UTRN: variants seen among roughly 807,000 people sequenced by gnomAD.
UTRN encodes utrophin.
Under a neutral mutation model 463.9 loss-of-function variants are expected in UTRN, and 283 were observed. The observed-to-expected ratio is 0.61, with a 90% CI of 0.55 to 0.67. UTRN has a LOEUF of 0.67. Among genes scored for constraint, UTRN ranks in the 30% least tolerant of loss-of-function variants. UTRN has a pLI of 0.00. For synonymous variants in UTRN, 1,442 were observed against 1,431.5 expected, an observed-to-expected ratio of 1.01 and a Z score of -0.17; for missense variants, 3,922 against 4,084.3, an observed-to-expected ratio of 0.96 and a Z score of 1.08.
chr6:144,757,019 GA>G (rs982630539), intron 57 of UTRN, among the ~76,000 whole-genome samples: 5 of 151,766 alleles, frequency 3.3e-5, no homozygotes, highest in African/African-American at 9.7e-5. Context: ...ATGAAATTGA[GA>G]AAAAAAGTAT....
At chr6:144,480,041 A>G in intron 26 of UTRN, 59 bp downstream of exon 26, 2 of 1,558,776 alleles carry the variant, frequency 1.3e-6, no homozygotes, top group Admixed American at 1.9e-5. Context: ...CTTTAAAACC[A>G]GCACATCAAT....
At chr6:144,482,708 C>A (rs1225938709) in intron 27 of UTRN, among the ~76,000 whole-genome samples, 1 of 152,078 alleles carries the variant, frequency 6.6e-6, no homozygotes, top group Non-Finnish European at 1.5e-5. Context: ...AACAGATGAT[C>A]TGTAGGGCCT....
intron 51 of UTRN, among the ~76,000 whole-genome samples, chr6:144,604,583 T>C (rs1207950204): frequency 6.6e-6 from 1 of 152,192 alleles, no homozygotes; most frequent in East Asian, 1.9e-4. Flanking sequence ...TGTGGAATAC[T>C]TTGTAATTTT....
chr6:144,448,710 G>T lies in UTRN; in HGVS notation c.2013G>T (p.Leu671=), dbSNP rs753488110. 2 of 1,613,874 alleles carry T rather than the reference G, an allele frequency of 1.2e-6. No homozygotes were observed. Among genetic ancestry groups the T allele is most frequent in the Non-Finnish European group, 1.7e-6 (2 of 1,179,920 alleles). ...TTACAAAAAAATCTAAGCAGGAACT[G>T]CCTCCTCCTCCTCCCCCAAAGAAGA... is the stretch of plus-strand genomic sequence containing the variant. ...QAITKKSKQE[L]PPPPPPKKRQ... Residue 671 remains leucine (L), a synonymous_variant, in exon 17 of 75, where the codon CTG becomes CTT. Coordinates refer to ENST00000367545, the MANE Select transcript of UTRN (RefSeq NM_007124.3).
At chr6:144,749,810 T>G (rs1791188430) in intron 55 of UTRN, among the ~76,000 whole-genome samples, 1 of 152,202 alleles carries the variant, frequency 6.6e-6, no homozygotes, top group Admixed American at 6.5e-5. Context: ...TTGAATTTCT[T>G]TTTTGTTCCA....
intron 51 of UTRN, among the ~76,000 whole-genome samples, chr6:144,638,345 A>G (rs1051139707): frequency 3.9e-5 from 6 of 152,200 alleles, no homozygotes; most frequent in Middle Eastern, 3.2e-3. Flanking sequence ...ATGTATTTAA[A>G]TAGAAAAAAT....
chr6:144,664,174 G>A (rs1030373356), intron 51 of UTRN, among the ~76,000 whole-genome samples: 1 of 152,174 alleles, frequency 6.6e-6, no homozygotes, highest in South Asian at 2.1e-4. Flanking sequence ...GTTGAAAGAA[G>A]GAAATGAGAT....
At chr6:144,410,727 A>T (rs1450543241) in intron 3 of UTRN, among the ~76,000 whole-genome samples, 2 of 152,072 alleles carry the variant, frequency 1.3e-5, no homozygotes, top group Non-Finnish European at 2.9e-5. Context: ...CTCCAGTTTC[A>T]TCCAGGTTGC....
At chr6:144,394,600 A>G (rs1782230593) in intron 2 of UTRN, among the ~76,000 whole-genome samples, 1 of 152,196 alleles carries the variant, frequency 6.6e-6, no homozygotes, top group African/African-American at 2.4e-5. Context: ...TCATGATCTT[A>G]GAAGACACAT....
chr6:144,386,799 T>G (rs1479002408), intron 2 of UTRN, among the ~76,000 whole-genome samples: 1 of 152,094 alleles, frequency 6.6e-6, no homozygotes, highest in East Asian at 1.9e-4. Flanking sequence ...AAAATGACTC[T>G]TCTTCCTTTT....
At chr6:144,598,834 A>G (rs191618595) in intron 51 of UTRN, among the ~76,000 whole-genome samples, 1 of 152,284 alleles carries the variant, frequency 6.6e-6, no homozygotes, top group African/African-American at 2.4e-5. Flanking sequence ...GGCCTGAACT[A>G]GTGTTTCAGG....
chr6:144,360,725 C>T (rs532723903), intron 2 of UTRN, among the ~76,000 whole-genome samples: 1 of 152,190 alleles, frequency 6.6e-6, no homozygotes, highest in Non-Finnish European at 1.5e-5. Context: ...CATCTCAGGT[C>T]GCCTACTTTT....
At chr6:144,436,892 T>A (rs6915159) in intron 10 of UTRN, among the ~76,000 whole-genome samples, 1 of 145,156 alleles carries the variant, frequency 6.9e-6, no homozygotes, top group African/African-American at 2.5e-5. Context: ...ATAAATATTT[T>A]TATATATAAT....
At chr6:144,412,683 G>T (rs1784002675) in intron 3 of UTRN, among the ~76,000 whole-genome samples, 1 of 151,726 alleles carries the variant, frequency 6.6e-6, no homozygotes, top group African/African-American at 2.4e-5. Context: ...AATCTGAGGA[G>T]AGTGTGAATA....
At chr6:144,425,589 C>T (rs1028632879) in intron 6 of UTRN, among the ~76,000 whole-genome samples, 1 of 151,898 alleles carries the variant, frequency 6.6e-6, no homozygotes, top group Non-Finnish European at 1.5e-5. Context: ...GAAGAGCTTC[C>T]CCTTGTTTCT....
At position 144,298,397 on chromosome 6, in the gene UTRN, T is replaced by A. The variant is rs368674853; in HGVS notation, c.79+6490T>A. ...TTCCAGCATCCATGTGGTTTTCCAA[T>A]CTTTGCATTTGTGCCTTTAAACAAC... On this transcript the variant is annotated intron_variant, in intron 2 of 74. Transcript: ENST00000367545. Among the ~76,000 whole-genome samples the A allele has an allele frequency of 3.9e-5, 6 of 152,314 alleles. 1 individual carries two copies. Among genetic ancestry groups the A allele is most frequent in the African/African-American group, 1.4e-4 (6 of 41,566 alleles).
chr6:144,744,516 G>A (rs1333965902), intron 54 of UTRN, among the ~76,000 whole-genome samples: 1 of 149,384 alleles, frequency 6.7e-6, no homozygotes, highest in African/African-American at 2.5e-5. Context: ...GTAGTTGAGT[G>A]TATATGTACG....
At chr6:144,595,083 T>C (rs1178863857) in intron 51 of UTRN, among the ~76,000 whole-genome samples, 1 of 152,110 alleles carries the variant, frequency 6.6e-6, no homozygotes, top group Non-Finnish European at 1.5e-5. Flanking sequence ...ATGGGAAAAA[T>C]GCTGAATTTG....
chr6:144,402,383 T>G (rs1440281397), intron 2 of UTRN, among the ~76,000 whole-genome samples: 1 of 152,216 alleles, frequency 6.6e-6, no homozygotes, highest in Non-Finnish European at 1.5e-5. Context: ...TCCTTTTCTC[T>G]TTTTGTTAGC....
Sources: allele counts gnomAD v4.1 joint callset (sites outside exome capture counted in the v4.1 genomes callset), GRCh38; gene constraint gnomAD v4.1.1; transcripts MANE v1.5; gene names NCBI Gene and HGNC (gene_info 2026-07-23, HGNC 2026-07-21).